Variants in KDM4C observed in about 807,000 individuals in gnomAD.
KDM4C encodes lysine demethylase 4C.
A neutral mutation model predicts 129.3 loss-of-function variants in KDM4C; 81 were observed. That is an observed-to-expected ratio of 0.63 (90% CI 0.52 to 0.75). The LOEUF is 0.75. Among genes scored for constraint, KDM4C ranks in the 30% least tolerant of loss-of-function variants. KDM4C has a pLI of 0.00. For missense variants in KDM4C, 1,457 were observed against 1,304.0 expected (o/e 1.12, Z -1.81); for synonymous variants, 573 against 456.1 (o/e 1.26, Z -3.26).
At chr9:7,041,073 G>C (rs1422814948) in intron 15 of KDM4C, among the ~76,000 whole-genome samples, 2 of 136,336 alleles carry the variant, frequency 1.5e-5, no homozygotes, top group African/African-American at 5.5e-5. Context: ...TTCTCTTTTT[G>C]TCTTTCAATT....
intron 17 of KDM4C, among the ~76,000 whole-genome samples, chr9:7,086,153 G>A (rs765682670): frequency 5.3e-5 from 8 of 151,898 alleles, no homozygotes; most frequent in South Asian, 2.1e-4. Context: ...GCCAGACCCC[G>A]TCTCAAAAAA....
intron 2 of KDM4C, among the ~76,000 whole-genome samples, chr9:6,802,583 A>T (rs186215874): frequency 3.9e-5 from 6 of 152,354 alleles, no homozygotes; most frequent in Admixed American, 3.9e-4. Context: ...AGTAGGAATG[A>T]AAATCAAAGA....
chr9:7,121,167 A>G (rs1252040964), intron 18 of KDM4C, among the ~76,000 whole-genome samples: 1 of 152,202 alleles, frequency 6.6e-6, no homozygotes, highest in Non-Finnish European at 1.5e-5. Flanking sequence ...TATTTAGCTC[A>G]TGATTCTGTG....
At chr9:6,757,735 G>A (rs941539473), upstream of KDM4C, 3 of 985,532 alleles carry the variant, frequency 3.0e-6, no homozygotes, top group Admixed American at 1.8e-4. Context: ...TCCGGGCAAG[G>A]TTCTGTGCAC....
intron 8 of KDM4C, among the ~76,000 whole-genome samples, chr9:6,954,262 G>A (rs1428039130): frequency 6.6e-6 from 1 of 152,088 alleles, no homozygotes; most frequent in African/African-American, 2.4e-5. Flanking sequence ...TTTCTCCTGA[G>A]ACTCTTGGAA....
chr9:6,849,140 A>T lies in KDM4C; in HGVS notation c.436-367A>T, dbSNP rs190858002. Among the ~76,000 whole-genome samples, 397 of 152,288 alleles carry T rather than the reference A, an allele frequency of 2.6e-3. 1 individual carries two copies. The highest frequency in any genetic ancestry group is 3.6e-3 in the Non-Finnish European group (245 of 68,012). ...AAACCCAAATCTCAAAACCCCAAAAACAAAAAGGTGTGCCAAGGAGGGAGA... is the reference window on the plus strand; with the variant it reads ...AAACCCAAATCTCAAAACCCCAAAATCAAAAAGGTGTGCCAAGGAGGGAGA... On this transcript the variant is annotated intron_variant, in intron 4 of 21. Transcript: ENST00000381309.
upstream of KDM4C, among the ~76,000 whole-genome samples, chr9:6,757,167 A>G (rs898723265): frequency 6.6e-6 from 1 of 152,174 alleles, no homozygotes; most frequent in Non-Finnish European, 1.5e-5. Context: ...AGGAAAAGCA[A>G]CAAGTTGTAG....
In KDM4C at chr9:7,085,696, T is replaced by G. The variant is rs138687999; in HGVS notation, c.2425-17989T>G. Among the ~76,000 whole-genome samples, 1,173 of 152,332 alleles carry G rather than the reference T, an allele frequency of 7.7e-3. 16 individuals are homozygous for G. The highest frequency in any genetic ancestry group is 0.027 in the African/African-American group (1,120 of 41,580). ...TTTTAATTTATTTTTTCTGTTGTTA[T>G]GTTTATCTTCTCAGACTGCGTGGTG... On this transcript the variant is annotated intron_variant, in intron 17 of 21. Transcript: ENST00000381309.
chr9:7,067,312 C>T (rs1466290782), intron 17 of KDM4C, among the ~76,000 whole-genome samples: 2 of 152,242 alleles, frequency 1.3e-5, no homozygotes, highest in Admixed American at 1.3e-4. Context: ...AACATAACCA[C>T]AACGTACGTT....
intron 4 of KDM4C, among the ~76,000 whole-genome samples, chr9:6,835,928 C>G (rs192605784): frequency 3.3e-4 from 51 of 152,300 alleles, no homozygotes; most frequent in Non-Finnish European, 2.1e-4. Flanking sequence ...TAGTCCTCCT[C>G]CGAGTCCACA....
chr9:7,050,906 C>T (rs1830068593), intron 17 of KDM4C, among the ~76,000 whole-genome samples: 1 of 152,178 alleles, frequency 6.6e-6, no homozygotes, highest in Non-Finnish European at 1.5e-5. Context: ...TGAAGCTTGT[C>T]GCTTTCCTCA....
intron 18 of KDM4C, among the ~76,000 whole-genome samples, chr9:7,127,715 C>T (rs113138224): frequency 9.5e-4 from 144 of 152,202 alleles, no homozygotes; most frequent in African/African-American, 3.3e-3. Flanking sequence ...ATTAAAGTAT[C>T]CTATCAGTGT....
At chr9:7,003,583 A>G (rs1285878837) in intron 12 of KDM4C, among the ~76,000 whole-genome samples, 1 of 152,206 alleles carries the variant, frequency 6.6e-6, no homozygotes, top group Non-Finnish European at 1.5e-5. Context: ...ACAAAACTAT[A>G]TACATCCATT....
chr9:6,821,760 G>A (rs1273956180), intron 4 of KDM4C, among the ~76,000 whole-genome samples: 2 of 151,830 alleles, frequency 1.3e-5, no homozygotes, highest in African/African-American at 4.8e-5. Context: ...TTAGCCTCCC[G>A]AGTAGCTGGG....
intron 8 of KDM4C, among the ~76,000 whole-genome samples, chr9:6,943,466 C>A (rs1826325015): frequency 6.6e-6 from 1 of 152,010 alleles, no homozygotes; most frequent in Non-Finnish European, 1.5e-5. Flanking sequence ...CCTGGCACTT[C>A]AGGACGCCTA....
At chr9:6,830,364 C>T (rs999261700) in intron 4 of KDM4C, among the ~76,000 whole-genome samples, 7 of 152,092 alleles carry the variant, frequency 4.6e-5, no homozygotes, top group African/African-American at 9.7e-5. Context: ...TGAGGGAGGT[C>T]GTGGAGCTGC....
rs1029513535 is a variant in KDM4C, at chr9:6,919,545, GTCTATCTATCTA to G, written c.921+26350_921+26361del. On this transcript the variant is annotated intron_variant, in intron 8 of 21. Transcript: ENST00000381309. ...TTCAATTTCATCTGTCTGTCTGTCT[GTCTATCTATCTA>G]TCTATCTATCTATCTATCTATCTAT... is the stretch of plus-strand genomic sequence containing the variant. 7.3e-3 allele frequency among the ~76,000 whole-genome samples: 578 copies of G among 79,456 alleles called. 6 individuals are homozygous for G. Among genetic ancestry groups the G allele is most frequent in the African/African-American group, 0.021 (548 of 25,800 alleles). The allele number at this position is 79,456 out of a possible 152,430, so 52.1% of individuals were successfully genotyped here. A position where few individuals can be genotyped will look rare whatever the true frequency, so the allele number is the denominator to read the frequency against.
At chr9:6,895,393 A>G (rs1816239635) in intron 8 of KDM4C, among the ~76,000 whole-genome samples, 1 of 152,214 alleles carries the variant, frequency 6.6e-6, no homozygotes, top group African/African-American at 2.4e-5. Context: ...CTGACTGTGA[A>G]CCAGAGGCTG....
At chr9:7,169,686 CTTGT>C (rs1181455649) in intron 20 of KDM4C, 108 bp from the exon 21 acceptor site, 4 of 824,368 alleles carry the variant, frequency 4.9e-6, no homozygotes, top group Non-Finnish European at 7.4e-6. Context: ...GGCTGGTTCC[CTTGT>C]TTGTTCTGTT....
Sources: gnomAD v4.1 joint callset for allele counts (sites outside exome capture counted in the v4.1 genomes callset) on GRCh38, gnomAD v4.1.1 for gene constraint, MANE v1.5 for transcripts, NCBI Gene and HGNC (gene_info 2026-07-23, HGNC 2026-07-21) for gene names.